Variants in CPZ observed in about 807,000 individuals in gnomAD.
CPZ encodes VEZT/CPZ fusion.
CPZ carries 103 observed loss-of-function variants against 61.8 expected under a neutral mutation model. The observed-to-expected ratio is 1.67, with a 90% CI of 1.42 to 1.96. The LOEUF (loss-of-function observed/expected upper bound fraction) is 1.96, where lower values mean the gene tolerates loss of function less well. Among genes scored for constraint, CPZ ranks in the 30% most tolerant of loss-of-function variants. The pLI, the probability that CPZ is intolerant of heterozygous loss-of-function variation, is 0.00. For synonymous variants in CPZ, 551 were observed against 373.7 expected, an observed-to-expected ratio of 1.47 and a Z score of -5.47; for missense variants, 1,461 against 914.9, an observed-to-expected ratio of 1.60 and a Z score of -7.70.
At chr4:8,603,416 A>C (rs4235275) in intron 3 of CPZ, 126,138 of 147,260 alleles carry the variant, frequency 0.86, 54,175 homozygotes, top group Admixed American at 0.91. Context: ...TCCCCCAAGT[A>C]CTTCCCAGAG....
At chr4:8,601,822 C>A (rs74759935) in intron 3 of CPZ, 1 of 246,226 alleles carries the variant, frequency 4.1e-6, no homozygotes, top group Non-Finnish European at 7.7e-6. Context: ...GAGCAGGCCT[C>A]GTGTGGGGGA....
At chr4:8,609,380 C>T (rs948004416) in intron 7 of CPZ, among the ~76,000 whole-genome samples, 1 of 152,240 alleles carries the variant, frequency 6.6e-6, no homozygotes, top group Non-Finnish European at 1.5e-5. Context: ...CATTCACTCA[C>T]TCTTATTCTT....
At chr4:8,607,528 A>C (rs1207783261) in intron 7 of CPZ, 103 bp downstream of exon 7, 1 of 1,368,662 alleles carries the variant, frequency 7.3e-7, no homozygotes, top group Admixed American at 2.1e-5. Context: ...CAAAGCTCCT[A>C]GGAACCTCTA....
At chr4:8,595,942 G>A (rs554949585) in intron 1 of CPZ, among the ~76,000 whole-genome samples, 9 of 152,230 alleles carry the variant, frequency 5.9e-5, no homozygotes, top group Non-Finnish European at 1.0e-4. Flanking sequence ...AGCACCTGGG[G>A]CCACCAGGAG....
chr4:8,619,168 A>C, intron 10 of CPZ, 94 bp from the exon 11 acceptor site: 1 of 1,137,802 alleles, frequency 8.8e-7, no homozygotes, highest in Admixed American at 2.5e-5. Flanking sequence ...CCTGCCTCCC[A>C]TGCTAACCTC....
chr4:8,596,388 G>A (rs893501874), intron 1 of CPZ, among the ~76,000 whole-genome samples: 1 of 152,216 alleles, frequency 6.6e-6, no homozygotes, highest in Non-Finnish European at 1.5e-5. Flanking sequence ...CGCTTTGCTA[G>A]GGCAGCCCTG....
chr4:8,608,876 G>T (rs898460393), intron 7 of CPZ, among the ~76,000 whole-genome samples: 1 of 152,178 alleles, frequency 6.6e-6, no homozygotes, highest in African/African-American at 2.4e-5. Context: ...GCCGAGTGCT[G>T]TGGCCCAGCA....
intron 9 of CPZ, among the ~76,000 whole-genome samples, chr4:8,616,324 C>A (rs1716157172): frequency 6.6e-6 from 1 of 152,134 alleles, no homozygotes; most frequent in Admixed American, 6.5e-5. Flanking sequence ...CACCAGAGAA[C>A]CGCATGTGCC....
intron 1 of CPZ, among the ~76,000 whole-genome samples, chr4:8,596,562 C>G (rs1714199159): frequency 6.6e-6 from 1 of 152,228 alleles, no homozygotes; most frequent in Non-Finnish European, 1.5e-5. Context: ...ACGATATGCC[C>G]CAAGACTCTG....
chr4:8,597,052 G>A (rs1714232475), intron 1 of CPZ, among the ~76,000 whole-genome samples: 1 of 152,206 alleles, frequency 6.6e-6, no homozygotes, highest in Admixed American at 6.5e-5. Flanking sequence ...AGTGGAGCAG[G>A]GGTGCTGGGC....
At chr4:8,616,328 A>T (rs964081414) in intron 9 of CPZ, among the ~76,000 whole-genome samples, 1 of 152,132 alleles carries the variant, frequency 6.6e-6, no homozygotes, top group South Asian at 2.1e-4. Context: ...AGAGAACCGC[A>T]TGTGCCCTGT....
chr4:8,615,845 G>A (rs1337375455), intron 9 of CPZ, among the ~76,000 whole-genome samples: 1 of 152,234 alleles, frequency 6.6e-6, no homozygotes, highest in Non-Finnish European at 1.5e-5. Context: ...ACTCCCTGGG[G>A]CAGCAGCCGC....
chr4:8,610,516 G>T (rs766712543), intron 7 of CPZ, among the ~76,000 whole-genome samples: 9 of 149,346 alleles, frequency 6.0e-5, no homozygotes, highest in Non-Finnish European at 1.3e-4. Context: ...GCAGACTTTG[G>T]AGAGAGTCTT....
chr4:8,611,627 T>C (rs1344675600), intron 7 of CPZ, among the ~76,000 whole-genome samples: 1 of 152,096 alleles, frequency 6.6e-6, no homozygotes, highest in Admixed American at 6.5e-5. Context: ...TCGGGGAAAA[T>C]GCAGCCCACC....
chr4:8,595,051 C>T (rs906595610), intron 1 of CPZ, among the ~76,000 whole-genome samples: 10 of 152,236 alleles, frequency 6.6e-5, no homozygotes, highest in South Asian at 2.1e-4. Flanking sequence ...GGATTACAGG[C>T]GTGAGCCACC....
intron 7 of CPZ, among the ~76,000 whole-genome samples, chr4:8,609,227 C>CACTTACTCACTCAT (rs1560298240): frequency 8.6e-5 from 13 of 150,362 alleles, no homozygotes; most frequent in Admixed American, 1.3e-4. Flanking sequence ...CACTTACTCA[C>CACTTACTCACTCAT]TCATTGTCAC....
chr4:8,598,266 C>G (rs7654688), intron 1 of CPZ, among the ~76,000 whole-genome samples: 151,733 of 152,362 alleles, frequency 1, 75,558 homozygotes, highest in Middle Eastern at 1. Flanking sequence ...TGGGGAAACC[C>G]AGTCCCAGGA....
At chr4:8,613,921 G>A (rs571545900) in intron 8 of CPZ, among the ~76,000 whole-genome samples, 1 of 152,252 alleles carries the variant, frequency 6.6e-6, no homozygotes, top group African/African-American at 2.4e-5. Flanking sequence ...GGGATGCCAG[G>A]GGCCTGTGCG....
Position 8,614,306 on chromosome 4 carries a change from GCTGT to G in CPZ, c.1364-50_1364-47del, listed in dbSNP as rs376532314. 161 of 1,578,022 alleles carry G rather than the reference GCTGT, an allele frequency of 1.0e-4. 1 individual carries two copies. In the African/African-American group the frequency reaches 1.5e-3, roughly 15 times the overall value. The stretch of plus-strand genomic sequence containing the variant: ...TGCGGCTGACACCCCTGACGTCCCG[GCTGT>G]CTCTGTGCGGCTGACACCCCTGACG... On this transcript the variant is annotated intron_variant, in intron 8 of 10. Transcript: ENST00000360986.
Sources: gnomAD v4.1 joint callset for allele counts (sites outside exome capture counted in the v4.1 genomes callset) on GRCh38, gnomAD v4.1.1 for gene constraint, MANE v1.5 for transcripts, NCBI Gene and HGNC (gene_info 2026-07-23, HGNC 2026-07-21) for gene names.